ABCC6: variants seen among roughly 807,000 people sequenced by gnomAD.
ABCC6 encodes the protein ATP binding cassette subfamily C member 6, also known as ATP-binding cassette sub-family C member 6.
A neutral mutation model predicts 169.5 loss-of-function variants in ABCC6; 126 were observed. That is an observed-to-expected ratio of 0.74 (90% confidence interval 0.64 to 0.86). The LOEUF is 0.86. Ranked by LOEUF, ABCC6 falls within the 40% of genes least tolerant of loss-of-function variation. The probability of loss-of-function intolerance (pLI) is 0.00; values close to 1 mark genes in which losing one functional copy is unlikely to be tolerated. For synonymous variants in ABCC6, 752 were observed against 814.7 expected, an observed-to-expected ratio of 0.92 and a Z score of 1.31; for missense variants, 1,733 against 1,927.2, an observed-to-expected ratio of 0.90 and a Z score of 1.89.
chr16:16,205,402 C>A (rs2048363208), intron 7 of ABCC6, among the ~76,000 whole-genome samples: 1 of 152,118 alleles, frequency 6.6e-6, no homozygotes, highest in Admixed American at 6.6e-5. Context: ...TAAGGACCCC[C>A]AACCTCACCA....
intron 9 of ABCC6, among the ~76,000 whole-genome samples, chr16:16,200,445 A>G (rs973502053): frequency 1.3e-4 from 20 of 150,160 alleles, no homozygotes; most frequent in South Asian, 4.2e-4. Context: ...AAAAAAAAAA[A>G]AAAAGCCCAG....
At chr16:16,201,879 A>G (rs2048246398) in intron 9 of ABCC6, 122 bp downstream of exon 9, 1 of 1,064,110 alleles carries the variant, frequency 9.4e-7, no homozygotes, top group Non-Finnish European at 1.5e-6. Flanking sequence ...GTGAGAATGT[A>G]TGGTGAGTGA....
At chr16:16,220,732 C>T (rs374562877) in intron 2 of ABCC6, among the ~76,000 whole-genome samples, 1 of 151,948 alleles carries the variant, frequency 6.6e-6, no homozygotes, top group South Asian at 2.1e-4. Context: ...CCTGTTTCTA[C>T]TAAAAATACA....
intron 10 of ABCC6, among the ~76,000 whole-genome samples, chr16:16,193,469 T>C (rs2047931930): frequency 6.6e-6 from 1 of 152,106 alleles, no homozygotes; most frequent in African/African-American, 2.4e-5. Flanking sequence ...TACCAGCACT[T>C]TGGGAGGCCG....
chr16:16,217,808 G>A (rs986469543), intron 4 of ABCC6, among the ~76,000 whole-genome samples: 2 of 152,196 alleles, frequency 1.3e-5, no homozygotes, highest in African/African-American at 2.4e-5. Flanking sequence ...CTCTGTCCTC[G>A]GTCAGGCGCT....
At chr16:16,200,157 C>T (rs1325220958) in intron 9 of ABCC6, among the ~76,000 whole-genome samples, 3 of 151,956 alleles carry the variant, frequency 2.0e-5, no homozygotes, top group South Asian at 2.1e-4. Context: ...CCAGGCTGAG[C>T]GCGTTGGCTC....
chr16:16,165,703 C>T lies in ABCC6; in HGVS notation c.3226G>A (p.Val1076Ile). ...LLMYAFGLLE[V>I]SLVVAVATPL... ...GTAGCCACTGCCACCACCAGGCTGA[C>T]CTCCAGGAGTCCAAAGGCGTACATC... The change falls in exon 23 of 31, where the codon GTC becomes ATC. Residue 1076 changes from valine (V) to isoleucine (I), a missense_variant. Physicochemically the swap from Val to Ile is conservative, Grantham distance 29. Transcript: ENST00000205557. 1.2e-6 allele frequency: 2 copies of T among 1,613,450 alleles called. No individual in the cohort carries two copies. Among genetic ancestry groups the T allele is most frequent in the Non-Finnish European group, 1.7e-6 (2 of 1,180,036 alleles).
intron 14 of ABCC6, among the ~76,000 whole-genome samples, chr16:16,186,249 C>T (rs972403305): frequency 6.6e-6 from 1 of 152,122 alleles, no homozygotes; most frequent in Non-Finnish European, 1.5e-5. Flanking sequence ...TCTCATCGTG[C>T]AATGGTGCTT....
In ABCC6 at chr16:16,154,684, C is replaced by A. The variant is rs1386051287; in HGVS notation, c.4152G>T (p.Val1384=). 6.2e-7 allele frequency: 1 copy of A among 1,613,420 alleles called. No homozygotes were observed. The highest frequency in any genetic ancestry group is 2.2e-5 in the East Asian group (1 of 44,862). Residue 1384 remains valine, a synonymous_variant, in exon 29 of 31, where the codon GTG becomes GTT. Coordinates refer to ENST00000205557, the MANE Select transcript of ABCC6 (RefSeq NM_001171.6). ...ALETVQLKAL[V]ASLPGQLQYK... is the part of the protein sequence containing the mutation. ...ACTGCAGCTGGCCGGGCAGGCTGGC[C>A]ACCAAGGCTTTGAGCTGCACCGTCT... is the stretch of plus-strand genomic sequence containing the variant.
Position 16,165,950 on chromosome 16 carries a change from G to A in ABCC6, c.2996-17C>T, listed in dbSNP as rs767383616. ...GCCCAATGGCTGGGGAGGGAGAGGAGGTAAGAGCATGAGGGCTGGAGACCC... is the reference window on the plus strand; with the variant it reads ...GCCCAATGGCTGGGGAGGGAGAGGAAGTAAGAGCATGAGGGCTGGAGACCC... On this transcript the variant is annotated splice_polypyrimidine_tract_variant and intron_variant, in intron 22 of 30. Transcript: ENST00000205557. The A allele has an allele frequency of 6.2e-7, 1 of 1,611,492 alleles. No homozygotes were observed. Among genetic ancestry groups the A allele is most frequent in the African/African-American group, 1.3e-5 (1 of 74,908 alleles).
At chr16:16,205,979 CTG>C (rs2048380177) in intron 7 of ABCC6, among the ~76,000 whole-genome samples, 1 of 152,196 alleles carries the variant, frequency 6.6e-6, no homozygotes, top group African/African-American at 2.4e-5. Context: ...AGCCAGGAGA[CTG>C]TGGTTCCAAT....
chr16:16,169,277 G>C (rs2046980295), intron 22 of ABCC6, among the ~76,000 whole-genome samples: 1 of 152,126 alleles, frequency 6.6e-6, no homozygotes, highest in African/African-American at 2.4e-5. Flanking sequence ...TCAAGAAGAA[G>C]TCTTTCCATT....
intron 29 of ABCC6, 131 bp downstream of exon 29, chr16:16,154,497 A>T: frequency 1.7e-6 from 2 of 1,172,946 alleles, no homozygotes; most frequent in Non-Finnish European, 2.4e-6. Context: ...TGCAGATAAG[A>T]GACATGTGGT....
At chr16:16,168,945 A>G (rs1287209777) in intron 22 of ABCC6, among the ~76,000 whole-genome samples, 2 of 152,022 alleles carry the variant, frequency 1.3e-5, no homozygotes, top group African/African-American at 4.8e-5. Context: ...ACCAGGCTGC[A>G]CACTTGTAAT....
chr16:16,213,011 T>G (rs1458333527), intron 5 of ABCC6, among the ~76,000 whole-genome samples: 1 of 152,166 alleles, frequency 6.6e-6, no homozygotes, highest in African/African-American at 2.4e-5. Flanking sequence ...AATTTTTAAA[T>G]TTTGTTGCTA....
Position 16,175,974 on chromosome 16 carries a change from C to T in ABCC6, c.2603G>A (p.Gly868Glu), listed in dbSNP as rs1350911863. Residue 868 changes from glycine to glutamate, a missense_variant, in exon 20 of 31, where the codon GGG becomes GAG. This residue lies in a region of ABCC6 where 1,601 missense variants were observed against 1,635.5 expected (regional missense o/e 0.98). Transcript: ENST00000205557. Reference protein sequence around the residue: ...GDRGEGETEPGTSTKDPRGTS... With the variant: ...GDRGEGETEPETSTKDPRGTS... ...GCCTCTGGGGTCCTTGGTGCTGGTC[C>T]CAGGTTCTGTTTCTGCAAGGTCAAG... The T allele has an allele frequency of 6.2e-7, 1 of 1,614,106 alleles. No individual in the cohort carries two copies. Among genetic ancestry groups the T allele is most frequent in the Non-Finnish European group, 8.5e-7 (1 of 1,180,022 alleles).
rs557260944 is a variant in ABCC6 at position 16,169,829 on chromosome 16, A to C, written c.2812T>G (p.Tyr938Asp). 1 of 1,557,570 alleles carries C rather than the reference A, an allele frequency of 6.4e-7. No homozygotes were observed. The highest frequency in any genetic ancestry group is 1.9e-5 in the Admixed American group (1 of 51,548). ...AGGGGGGTGCCCACGGCACGCAGGT[A>C]GGCCAGGTGCACTGTGGCCTTCACC... ...GRVKATVHLAYLRAVGTPLCL... is the reference protein window; with the variant it reads ...GRVKATVHLADLRAVGTPLCL... Residue 938 changes from tyrosine (Y) to aspartate (D), a missense_variant, in exon 22 of 31, where the codon TAC (tyrosine) becomes GAC (aspartate). Around this residue, in one of 5 missense-constraint regions of ABCC6, gnomAD observed 1,601 missense variants for 1,635.5 expected, o/e 0.98. Coordinates refer to ENST00000205557, the MANE Select transcript of ABCC6 (RefSeq NM_001171.6).
intron 6 of ABCC6, among the ~76,000 whole-genome samples, chr16:16,211,922 G>A (rs1362692598): frequency 1.3e-5 from 2 of 150,838 alleles, no homozygotes; most frequent in African/African-American, 4.9e-5. Context: ...ATTTTACAGA[G>A]GGAAAACTGA....
chr16:16,198,105 C>T lies in ABCC6; in HGVS notation c.1254G>A (p.Gln418=). ...DVVNLVSVDV[Q]RLTESVLYLN... is the part of the protein sequence containing the mutation. ...GGTAGAGGACGCTCTCGGTCAGCCGCTGCACGTCCACGGACACCAGATTGA... is the reference window on the plus strand; with the variant it reads ...GGTAGAGGACGCTCTCGGTCAGCCGTTGCACGTCCACGGACACCAGATTGA... The change falls in exon 10 of 31, where the codon CAG becomes CAA. Residue 418 remains glutamine (Q), a synonymous_variant. Coordinates refer to ENST00000205557, the MANE Select transcript of ABCC6 (RefSeq NM_001171.6). The T allele has an allele frequency of 1.2e-6, 2 of 1,613,502 alleles. No homozygotes were observed. The highest frequency in any genetic ancestry group is 1.7e-6 in the Non-Finnish European group (2 of 1,179,782).
Sources: gnomAD v4.1 joint callset for allele counts (sites outside exome capture counted in the v4.1 genomes callset) on GRCh38, gnomAD v4.1.1 for gene constraint, gnomAD v4.1.1 regional missense constraint, MANE v1.5 for transcripts, NCBI Gene and HGNC (gene_info 2026-07-23, HGNC 2026-07-21) for gene names.